Variants in SH3GL2 observed in about 807,000 individuals in gnomAD.
SH3GL2 encodes SH3 domain containing GRB2 like 2, endophilin A1.
A neutral mutation model predicts 46.0 loss-of-function variants in SH3GL2; 24 were observed. That is an observed-to-expected ratio of 0.52 (90% CI 0.38 to 0.73). SH3GL2 has a LOEUF of 0.73. SH3GL2 is among the 30% of genes least tolerant of loss of function. SH3GL2 has a pLI of 0.00. For synonymous variants in SH3GL2, 196 were observed against 147.1 expected (o/e 1.33, Z -2.40); for missense variants, 413 against 424.2 (o/e 0.97, Z 0.23).
intron 1 of SH3GL2, among the ~76,000 whole-genome samples, chr9:17,732,762 C>T (rs558210117): frequency 6.6e-6 from 1 of 152,182 alleles, no homozygotes; most frequent in African/African-American, 2.4e-5. Flanking sequence ...AATTCTTGTT[C>T]ATTTCCAAGA....
At chr9:17,700,457 C>T (rs1027304089) in intron 1 of SH3GL2, among the ~76,000 whole-genome samples, 2 of 152,192 alleles carry the variant, frequency 1.3e-5, no homozygotes, top group Admixed American at 6.5e-5. Context: ...TCTAGAGGAG[C>T]GGAAGATCTG....
At chr9:17,653,786 G>A (rs1208907343) in intron 1 of SH3GL2, 1 of 568,792 alleles carries the variant, frequency 1.8e-6, no homozygotes, top group Admixed American at 6.3e-5. Context: ...AGTTCAATTT[G>A]AGGGTGGCTG....
intron 1 of SH3GL2, among the ~76,000 whole-genome samples, chr9:17,628,893 C>T (rs1819354956): frequency 6.6e-6 from 1 of 152,082 alleles, no homozygotes; most frequent in African/African-American, 2.4e-5. Flanking sequence ...AGAAGTAACA[C>T]TCACTCTAGC....
chr9:17,699,293 GTGCAAGCAGCATGAACTGT>G (rs752801489), intron 1 of SH3GL2, among the ~76,000 whole-genome samples: 3 of 151,986 alleles, frequency 2.0e-5, no homozygotes, highest in Admixed American at 6.6e-5. Flanking sequence ...TTAGACTTCT[GTGCAAGCAGCATGAACTGT>G]TGCATAGCAT....
At chr9:17,670,105 G>A (rs183864468) in intron 1 of SH3GL2, among the ~76,000 whole-genome samples, 27 of 152,178 alleles carry the variant, frequency 1.8e-4, no homozygotes, top group Admixed American at 1.1e-3. Context: ...CATACAGGCA[G>A]GTCCTCAGCC....
At chr9:17,715,624 A>G (rs1821734990) in intron 1 of SH3GL2, among the ~76,000 whole-genome samples, 1 of 151,932 alleles carries the variant, frequency 6.6e-6, no homozygotes, top group African/African-American at 2.4e-5. Flanking sequence ...CATATTATTT[A>G]TCTCAGACAT....
intron 2 of SH3GL2, among the ~76,000 whole-genome samples, chr9:17,754,570 G>A (rs1235036929): frequency 1.3e-5 from 2 of 152,132 alleles, no homozygotes; most frequent in Non-Finnish European, 2.9e-5. Context: ...CTACTCGGGA[G>A]GCTGAGGCAG....
At chr9:17,756,841 A>G (rs538989121) in intron 2 of SH3GL2, among the ~76,000 whole-genome samples, 37 of 152,262 alleles carry the variant, frequency 2.4e-4, no homozygotes, top group Admixed American at 4.6e-4. Flanking sequence ...GTATATACCC[A>G]GTAATGGGAT....
chr9:17,688,670 G>A lies in SH3GL2; in HGVS notation c.46-58396G>A, dbSNP rs538011371. Among the ~76,000 whole-genome samples, 3 of 152,138 alleles carry A rather than the reference G, an allele frequency of 2.0e-5. No individual in the cohort carries two copies. In the South Asian group the frequency reaches 6.2e-4, roughly 32 times the overall value. On this transcript the variant is annotated intron_variant, in intron 1 of 8. Transcript: ENST00000380607. ...GGTGCTAAAGAATAAAAACTCCAGA[G>A]AACATGCTGATGGGAGTATGTCAAA...
intron 1 of SH3GL2, among the ~76,000 whole-genome samples, chr9:17,661,109 C>T (rs1202765482): frequency 6.6e-6 from 1 of 152,088 alleles, no homozygotes; most frequent in Non-Finnish European, 1.5e-5. Context: ...TTGCAGTGAG[C>T]CGAGATTGTA....
intron 1 of SH3GL2, among the ~76,000 whole-genome samples, chr9:17,689,435 A>G (rs1370668864): frequency 5.3e-5 from 8 of 152,140 alleles, no homozygotes; most frequent in South Asian, 2.1e-4. Flanking sequence ...TGACTCGTCA[A>G]TTGTAACAAA....
intron 1 of SH3GL2, among the ~76,000 whole-genome samples, chr9:17,720,284 G>C (rs1433192262): frequency 6.6e-6 from 1 of 152,084 alleles, no homozygotes; most frequent in Non-Finnish European, 1.5e-5. Flanking sequence ...ACATGCTTTC[G>C]ATACTTAGAT....
intron 1 of SH3GL2, among the ~76,000 whole-genome samples, chr9:17,669,055 T>C (rs1820409640): frequency 6.6e-6 from 1 of 152,236 alleles, no homozygotes; most frequent in African/African-American, 2.4e-5. Flanking sequence ...TTTTTGGACT[T>C]CAAAGTCCGT....
intron 3 of SH3GL2, among the ~76,000 whole-genome samples, chr9:17,767,450 T>C (rs894365013): frequency 1.4e-4 from 21 of 152,188 alleles, no homozygotes; most frequent in Non-Finnish European, 2.8e-4. Flanking sequence ...ATACAGTGAT[T>C]ATATTTGGTG....
intron 1 of SH3GL2, among the ~76,000 whole-genome samples, chr9:17,640,580 A>G (rs1443563347): frequency 2.0e-5 from 3 of 152,140 alleles, no homozygotes; most frequent in African/African-American, 7.2e-5. Context: ...AGTAATGCCC[A>G]CCTGCAAGGC....
intron 1 of SH3GL2, among the ~76,000 whole-genome samples, chr9:17,692,846 A>T (rs61250447): frequency 0.053 from 8,085 of 152,116 alleles, 705 homozygotes; most frequent in African/African-American, 0.18. Context: ...TCATGGTGGG[A>T]GGTAAAAGGC....
intron 1 of SH3GL2, among the ~76,000 whole-genome samples, chr9:17,655,703 A>T (rs372982932): frequency 8.5e-5 from 13 of 152,158 alleles, no homozygotes; most frequent in Non-Finnish European, 1.3e-4. Context: ...TGCTGTTCTC[A>T]TCTTCTGATT....
intron 3 of SH3GL2, among the ~76,000 whole-genome samples, chr9:17,763,783 A>G (rs1332402306): frequency 6.6e-6 from 1 of 152,160 alleles, no homozygotes; most frequent in East Asian, 1.9e-4. Flanking sequence ...TCCCATTCAT[A>G]CACCTAGGAA....
At chr9:17,741,929 G>C (rs1280119396) in intron 1 of SH3GL2, among the ~76,000 whole-genome samples, 1 of 152,082 alleles carries the variant, frequency 6.6e-6, no homozygotes, top group Non-Finnish European at 1.5e-5. Context: ...ATCTGGGTGG[G>C]CGTTTTTGGC....
Sources: gnomAD v4.1 joint callset for allele counts (sites outside exome capture counted in the v4.1 genomes callset) on GRCh38, gnomAD v4.1.1 for gene constraint, MANE v1.5 for transcripts, NCBI Gene and HGNC (gene_info 2026-07-23, HGNC 2026-07-21) for gene names.